The following OPRM1 variants were observed in gnomAD, a reference collection of about 807,000 sequenced individuals.
The protein encoded by OPRM1 is mu-type opioid receptor.
Under a neutral mutation model 31.8 loss-of-function variants are expected in OPRM1, and 27 were observed. The observed-to-expected ratio is 0.85, with a 90% CI of 0.63 to 1.17. The LOEUF (loss-of-function observed/expected upper bound fraction) is 1.17, where lower values mean the gene tolerates loss of function less well. Ranked by LOEUF, OPRM1 falls within the 50% of genes most tolerant of loss-of-function variation. OPRM1 has a pLI of 0.00. For missense variants in OPRM1, 536 were observed against 511.1 expected, an observed-to-expected ratio of 1.05 and a Z score of -0.47; for synonymous variants, 196 against 189.9, an observed-to-expected ratio of 1.03 and a Z score of -0.26.
rs1797217082 is a variant in OPRM1 at position 154,120,037 on chromosome 6, G to C, written c.*1316G>C. On this transcript the variant is annotated 3_prime_UTR_variant, in exon 4 of 4. Coordinates refer to ENST00000330432, the MANE Select transcript of OPRM1 (RefSeq NM_000914.5). Reference sequence around the variant, plus strand: ...CAATCAACCATTTTACTTGATCTAGGTAGACAGCCAAGTCAGATGGCCCAT... The same window carrying C: ...CAATCAACCATTTTACTTGATCTAGCTAGACAGCCAAGTCAGATGGCCCAT... Among the ~76,000 whole-genome samples the C allele has an allele frequency of 6.6e-6, 1 of 152,100 alleles. No homozygotes were observed. The highest frequency in any genetic ancestry group is 1.5e-5 in the Non-Finnish European group (1 of 68,002).
At chr6:154,084,550 G>T (rs1247760223) in intron 1 of OPRM1, among the ~76,000 whole-genome samples, 1 of 152,072 alleles carries the variant, frequency 6.6e-6, no homozygotes, top group Admixed American at 6.6e-5. Flanking sequence ...ATAATTACTT[G>T]AAATGTAGGA....
At chr6:154,201,535 G>A (rs899216050) in intron 3 of OPRM1, among the ~76,000 whole-genome samples, 1 of 152,166 alleles carries the variant, frequency 6.6e-6, no homozygotes, top group Non-Finnish European at 1.5e-5. Flanking sequence ...AGGTAGAGAA[G>A]GCATTTTATG....
chr6:154,211,192 GGATCA>G (rs1237971099), intron 3 of OPRM1, among the ~76,000 whole-genome samples: 1 of 151,996 alleles, frequency 6.6e-6, no homozygotes, highest in Non-Finnish European at 1.5e-5. Context: ...CGAGGCAGGC[GGATCA>G]TGAGGTCAGG....
intron 3 of OPRM1, among the ~76,000 whole-genome samples, chr6:154,146,263 G>A (rs547642646): frequency 1.7e-4 from 26 of 152,212 alleles, no homozygotes; most frequent in Non-Finnish European, 2.5e-4. Flanking sequence ...AGCTGAGCGC[G>A]GTGGCGGGCG....
chr6:154,010,665 G>C, exon 1 of OPRM1: 1 of 1,475,104 alleles, frequency 6.8e-7, no homozygotes. Context: ...TGGAAGATAG[G>C]AAAGCAAGCA....
rs570428666 is a variant in OPRM1 at position 154,091,038 on chromosome 6, A to T, written c.730A>T (p.Ile244Phe). 9 of 1,614,176 alleles carry T rather than the reference A, an allele frequency of 5.6e-6. No homozygotes were observed. Among genetic ancestry groups the T allele is most frequent in the African/African-American group, 1.3e-5 (1 of 75,038 alleles). Reference sequence around the variant, plus strand: ...GATCTGTGTTTTCATCTTCGCCTTCATTATGCCAGTGCTCATCATTACCGT... The same window carrying T: ...GATCTGTGTTTTCATCTTCGCCTTCTTTATGCCAGTGCTCATCATTACCGT... ...LKICVFIFAF[I>F]MPVLIITVCY... is the part of the protein sequence containing the mutation. Residue 244 changes from isoleucine to phenylalanine, a missense_variant, in exon 3 of 4, where the codon ATT (isoleucine) becomes TTT (phenylalanine). Coordinates refer to ENST00000330432, the MANE Select transcript of OPRM1 (RefSeq NM_000914.5).
At chr6:154,203,812 G>T (rs1046394313) in intron 3 of OPRM1, among the ~76,000 whole-genome samples, 2 of 152,054 alleles carry the variant, frequency 1.3e-5, no homozygotes, top group Admixed American at 1.3e-4. Flanking sequence ...CAAAGAATTG[G>T]CCAGAACCAG....
intron 3 of OPRM1, among the ~76,000 whole-genome samples, chr6:154,206,278 T>C (rs1360266435): frequency 2.0e-5 from 3 of 152,240 alleles, no homozygotes; most frequent in Admixed American, 6.5e-5. Context: ...ATACAAGATT[T>C]CTGTGAGAGT....
chr6:154,083,099 A>G (rs1286813787), intron 1 of OPRM1, among the ~76,000 whole-genome samples: 1 of 152,194 alleles, frequency 6.6e-6, no homozygotes, highest in African/African-American at 2.4e-5. Flanking sequence ...CGGAAAGCAT[A>G]ATACAAAAAT....
chr6:154,107,453 C>T (rs1795744864), intron 3 of OPRM1: 1 of 718,386 alleles, frequency 1.4e-6, no homozygotes, highest in South Asian at 1.5e-5. Flanking sequence ...CCAGAAGTGA[C>T]TTACTTTCTA....
Position 154,100,081 on chromosome 6 carries a change from T to A in OPRM1, c.1164+8609T>A, listed in dbSNP as rs564847295. On this transcript the variant is annotated intron_variant, in intron 3 of 3. Coordinates refer to ENST00000330432, the MANE Select transcript of OPRM1 (RefSeq NM_000914.5). ...GATATATATCATGATATATATCATATTATATATTATCATATTATGATATAT... is the reference window on the plus strand; with the variant it reads ...GATATATATCATGATATATATCATAATATATATTATCATATTATGATATAT... 4.7e-3 allele frequency among the ~76,000 whole-genome samples: 512 copies of A among 108,022 alleles called. 26 individuals carry two copies. The highest frequency in any genetic ancestry group is 0.014 in the African/African-American group (393 of 27,598). 70.9% of individuals were successfully genotyped at this position (108,022 alleles called of 152,430 possible). A position where few individuals can be genotyped will look rare whatever the true frequency, so the allele number is the denominator to read the frequency against.
chr6:154,214,371 T>A (rs1778213859), intron 3 of OPRM1: 1 of 871,650 alleles, frequency 1.1e-6, no homozygotes. Context: ...AGGTCATGAT[T>A]CTACCATCAG....
chr6:154,137,858 CA>C (rs1211771991), intron 3 of OPRM1, among the ~76,000 whole-genome samples: 3 of 152,172 alleles, frequency 2.0e-5, no homozygotes, highest in African/African-American at 7.2e-5. Flanking sequence ...GAGCCAGACA[CA>C]GAAGAATAAA....
At chr6:154,133,523 G>T (rs914196322), downstream of OPRM1, among the ~76,000 whole-genome samples, 5 of 152,210 alleles carry the variant, frequency 3.3e-5, no homozygotes, top group African/African-American at 9.6e-5. Context: ...GCATGCATTT[G>T]TCTGGAGTAT....
At chr6:154,026,573 G>T (rs1778707696) in intron 1 of OPRM1, among the ~76,000 whole-genome samples, 1 of 152,048 alleles carries the variant, frequency 6.6e-6, no homozygotes, top group African/African-American at 2.4e-5. Context: ...ATAACTCTTA[G>T]ATTTGCCCAT....
intron 1 of OPRM1, among the ~76,000 whole-genome samples, chr6:154,066,890 C>G (rs1473176215): frequency 6.6e-6 from 1 of 152,142 alleles, no homozygotes; most frequent in Non-Finnish European, 1.5e-5. Flanking sequence ...CTTAAGTAGA[C>G]TATTACAGTA....
intron 3 of OPRM1, among the ~76,000 whole-genome samples, chr6:154,114,883 A>C (rs1023238160): frequency 1.3e-5 from 2 of 151,978 alleles, no homozygotes; most frequent in Admixed American, 6.5e-5. Context: ...AATTAAAAAA[A>C]AAAAAACAAA....
chr6:154,242,521 C>A (rs1175212568), intron 3 of OPRM1, among the ~76,000 whole-genome samples: 1 of 152,120 alleles, frequency 6.6e-6, no homozygotes, highest in Non-Finnish European at 1.5e-5. Flanking sequence ...TCTTCTCCTA[C>A]AGAAATGATC....
chr6:154,152,347 G>A (rs9397690), intron 3 of OPRM1, among the ~76,000 whole-genome samples: 5,131 of 65,044 alleles, frequency 0.079, 377 homozygotes, highest in Non-Finnish European at 0.093. Flanking sequence ...AAGAAAGAAA[G>A]GAAAGAAAGA....
Sources: gnomAD v4.1 joint callset for allele counts (sites outside exome capture counted in the v4.1 genomes callset) on GRCh38, gnomAD v4.1.1 for gene constraint, MANE v1.5 for transcripts, NCBI Gene and HGNC (gene_info 2026-07-23, HGNC 2026-07-21) for gene names.